The following MAN2A1 variants were observed in gnomAD, a reference collection of about 807,000 sequenced individuals.
The protein encoded by MAN2A1 is mannosidase alpha class 2A member 1, also known as alpha-mannosidase 2.
Under a neutral mutation model 142.6 loss-of-function variants are expected in MAN2A1, and 76 were observed. The observed-to-expected ratio is 0.53, with a 90% CI of 0.44 to 0.65. MAN2A1 has a LOEUF of 0.65. Among genes scored for constraint, MAN2A1 ranks in the 30% least tolerant of loss-of-function variants. MAN2A1 has a pLI of 0.00. For synonymous variants in MAN2A1, 559 were observed against 473.2 expected, an observed-to-expected ratio of 1.18 and a Z score of -2.35; for missense variants, 1,311 against 1,365.1, an observed-to-expected ratio of 0.96 and a Z score of 0.62.
At position 109,782,517 on chromosome 5, in the gene MAN2A1, T is replaced by C. The variant is rs901398855; in HGVS notation, c.1577+919T>C. Reference sequence around the variant, plus strand: ...AGAGGCTCCCAAAGTTTTCTCTATGTATAGACCAGTAAAGTAATTCATTTT... The same window carrying C: ...AGAGGCTCCCAAAGTTTTCTCTATGCATAGACCAGTAAAGTAATTCATTTT... On this transcript the variant is annotated intron_variant, in intron 9 of 21. Transcript: ENST00000261483. Among the ~76,000 whole-genome samples the C allele has an allele frequency of 1.6e-4, 25 of 152,202 alleles. 1 individual carries two copies. Among genetic ancestry groups the C allele is most frequent in the African/African-American group, 6.0e-4 (25 of 41,454 alleles).
intron 16 of MAN2A1, chr5:109,840,404 C>A: frequency 2.6e-6 from 1 of 390,746 alleles, no homozygotes; most frequent in Non-Finnish European, 5.1e-6. Context: ...GGTAATGATT[C>A]CTCCTACAGG....
chr5:109,695,587 C>A (rs1368208915), intron 1 of MAN2A1, among the ~76,000 whole-genome samples: 1 of 152,124 alleles, frequency 6.6e-6, no homozygotes, highest in Non-Finnish European at 1.5e-5. Context: ...TCTCCAACTT[C>A]TGTAATCTTT....
intron 1 of MAN2A1, among the ~76,000 whole-genome samples, chr5:109,691,433 C>T (rs1750669624): frequency 6.6e-6 from 1 of 152,168 alleles, no homozygotes; most frequent in Admixed American, 6.5e-5. Context: ...GTGTAGTGTG[C>T]TCTGTAACGA....
chr5:109,727,500 A>C (rs1369596054), intron 3 of MAN2A1, among the ~76,000 whole-genome samples: 1 of 152,210 alleles, frequency 6.6e-6, no homozygotes, highest in Non-Finnish European at 1.5e-5. Flanking sequence ...AGACTTCAGC[A>C]TATGACACAG....
At chr5:109,777,807 C>A (rs547029442) in intron 8 of MAN2A1, among the ~76,000 whole-genome samples, 1 of 152,004 alleles carries the variant, frequency 6.6e-6, no homozygotes, top group Non-Finnish European at 1.5e-5. Flanking sequence ...ATTGAAAAGA[C>A]CATACTTTCT....
chr5:109,740,652 G>C (rs1279697313), intron 4 of MAN2A1, among the ~76,000 whole-genome samples: 1 of 152,196 alleles, frequency 6.6e-6, no homozygotes, highest in Non-Finnish European at 1.5e-5. Context: ...TCTGTGATTA[G>C]TATCTGTCCC....
At chr5:109,695,466 G>A (rs1452343676) in intron 1 of MAN2A1, among the ~76,000 whole-genome samples, 1 of 152,132 alleles carries the variant, frequency 6.6e-6, no homozygotes, top group African/African-American at 2.4e-5. Context: ...AGTCTTTTTT[G>A]AAGGACTGAA....
intron 16 of MAN2A1, among the ~76,000 whole-genome samples, chr5:109,837,950 C>T (rs997237919): frequency 3.9e-5 from 6 of 151,938 alleles, no homozygotes; most frequent in African/African-American, 1.5e-4. Context: ...TTCTGTCTAA[C>T]AGTGATTCAG....
intron 19 of MAN2A1, among the ~76,000 whole-genome samples, chr5:109,849,438 C>G (rs1321771035): frequency 2.0e-5 from 3 of 152,136 alleles, no homozygotes; most frequent in Non-Finnish European, 4.4e-5. Flanking sequence ...CAGTGTTCCC[C>G]CCAGTCAACA....
At chr5:109,736,842 C>T (rs1273860981) in intron 4 of MAN2A1, among the ~76,000 whole-genome samples, 1 of 152,114 alleles carries the variant, frequency 6.6e-6, no homozygotes, top group African/African-American at 2.4e-5. Flanking sequence ...GCTAAATGAG[C>T]CAGTCCACTT....
chr5:109,710,969 C>T (rs746853490), intron 1 of MAN2A1, among the ~76,000 whole-genome samples: 14 of 152,146 alleles, frequency 9.2e-5, no homozygotes, highest in South Asian at 2.1e-4. Context: ...GGATTACAGG[C>T]GTGAGCCACC....
At chr5:109,782,888 G>A (rs1753498653) in intron 9 of MAN2A1, among the ~76,000 whole-genome samples, 1 of 151,956 alleles carries the variant, frequency 6.6e-6, no homozygotes, top group Non-Finnish European at 1.5e-5. Context: ...CATCATTTAT[G>A]TGTTTCAAAA....
At position 109,814,586 on chromosome 5, in the gene MAN2A1, A is replaced by G. The variant is rs1024163206; in HGVS notation, c.1944-2687A>G. Reference sequence around the variant, plus strand: ...ATTATACTCATTATATACTCTACACATTTAGTCTTTGAATAGATTCCTGGC... The same window carrying G: ...ATTATACTCATTATATACTCTACACGTTTAGTCTTTGAATAGATTCCTGGC... On this transcript the variant is annotated intron_variant, in intron 12 of 21. Coordinates refer to ENST00000261483, the MANE Select transcript of MAN2A1 (RefSeq NM_002372.4). 5.3e-5 allele frequency among the ~76,000 whole-genome samples: 8 copies of G among 152,320 alleles called. No individual in the cohort carries two copies. The East Asian group carries it at 1.4e-3, about 26-fold the overall frequency.
intron 4 of MAN2A1, among the ~76,000 whole-genome samples, chr5:109,733,971 G>A (rs1324970329): frequency 9.9e-5 from 15 of 152,012 alleles, no homozygotes; most frequent in East Asian, 5.8e-4. Flanking sequence ...GGTAGAATTC[G>A]GCTGTGAATC....
intron 12 of MAN2A1, among the ~76,000 whole-genome samples, chr5:109,798,394 C>T (rs1286013744): frequency 3.3e-5 from 5 of 152,216 alleles, no homozygotes; most frequent in Middle Eastern, 3.2e-3. Context: ...TCTAGACCCA[C>T]TGGCCAAGTG....
intron 1 of MAN2A1, among the ~76,000 whole-genome samples, chr5:109,696,484 G>A (rs1439125068): frequency 6.6e-6 from 1 of 152,156 alleles, no homozygotes; most frequent in Non-Finnish European, 1.5e-5. Flanking sequence ...TTTAAAACTG[G>A]ACATACTCTA....
rs1752202495 is a variant in MAN2A1 at position 109,739,438 on chromosome 5, A to G, written c.707+9925A>G. ...ATTGTGTCTCTAGTCTCTCTTTTTC[A>G]TATGCATTTTTAATTTGTTGTATTT... On this transcript the variant is annotated intron_variant, in intron 4 of 21. Coordinates refer to ENST00000261483, the MANE Select transcript of MAN2A1 (RefSeq NM_002372.4). Among the ~76,000 whole-genome samples the G allele has an allele frequency of 1.3e-5, 2 of 151,740 alleles. 1 individual carries two copies. Among genetic ancestry groups the G allele is most frequent in the South Asian group, 4.1e-4 (2 of 4,820 alleles).
intron 4 of MAN2A1, among the ~76,000 whole-genome samples, chr5:109,746,353 C>G (rs1156612411): frequency 6.6e-6 from 1 of 152,128 alleles, no homozygotes; most frequent in Non-Finnish European, 1.5e-5. Flanking sequence ...GTTTAATTTA[C>G]TTTTTAATAT....
At chr5:109,813,430 G>A (rs1754370958) in intron 12 of MAN2A1, among the ~76,000 whole-genome samples, 1 of 152,176 alleles carries the variant, frequency 6.6e-6, no homozygotes, top group South Asian at 2.1e-4. Flanking sequence ...CCCTATTGTG[G>A]CACTTTTTAC....
Sources: gnomAD v4.1 joint callset for allele counts (sites outside exome capture counted in the v4.1 genomes callset) on GRCh38, gnomAD v4.1.1 for gene constraint, MANE v1.5 for transcripts, NCBI Gene and HGNC (gene_info 2026-07-23, HGNC 2026-07-21) for gene names.